CFAP91: variants seen among roughly 807,000 people sequenced by gnomAD.
CFAP91 encodes the protein cilia and flagella associated protein 91.
Under a neutral mutation model 95.9 loss-of-function variants are expected in CFAP91, and 85 were observed. The ratio of observed to expected loss-of-function variants is 0.89; its 90% CI spans 0.74 to 1.06. CFAP91 has a LOEUF of 1.06. Ranked by LOEUF, CFAP91 falls within the 50% of genes least tolerant of loss-of-function variation. The pLI is 0.00. For missense variants in CFAP91, 962 were observed against 943.4 expected, an observed-to-expected ratio of 1.02 and a Z score of -0.26; for synonymous variants, 335 against 327.5, an observed-to-expected ratio of 1.02 and a Z score of -0.25.
chr3:119,743,702 A>G (rs931152489), intron 13 of CFAP91, among the ~76,000 whole-genome samples: 11 of 152,326 alleles, frequency 7.2e-5, no homozygotes, highest in African/African-American at 2.6e-4. Context: ...CCCATTCTCC[A>G]TGGTCACTAA....
chr3:119,747,583 T>G, intron 15 of CFAP91: 1 of 576,854 alleles, frequency 1.7e-6, no homozygotes, highest in Non-Finnish European at 3.0e-6. Flanking sequence ...TAAGCTGTGT[T>G]TCCAACATTC....
At chr3:119,722,033 T>G (rs2053694555) in intron 6 of CFAP91, among the ~76,000 whole-genome samples, 1 of 151,678 alleles carries the variant, frequency 6.6e-6, no homozygotes, top group African/African-American at 2.4e-5. Flanking sequence ...ATTAGCCAAG[T>G]GTGGTGGTGC....
intron 7 of CFAP91, 101 bp downstream of exon 7, chr3:119,726,449 C>CTTTTTT: frequency 8.8e-7 from 1 of 1,131,410 alleles, no homozygotes. Context: ...GGTTGAAAAG[C>CTTTTTT]AATCCTCAAC....
Position 119,766,320 on chromosome 3 carries a change from T to G in CFAP91, c.*1270T>G, listed in dbSNP as rs1322407118. The G allele has an allele frequency of 2.0e-5, 3 of 151,054 alleles. No homozygotes were observed. The highest frequency in any genetic ancestry group is 4.4e-5 in the Non-Finnish European group (3 of 67,740). The allele number at this position is 151,054 out of a possible 1,614,324, so 9.4% of individuals were successfully genotyped here. A position where few individuals can be genotyped will look rare whatever the true frequency, so the allele number is the denominator to read the frequency against. Reference sequence around the variant, plus strand: ...AGAGTTTAATAATTAATTTTCTGAGTTTTTTTTTAAAAAAACTAATTATAC... The same window carrying G: ...AGAGTTTAATAATTAATTTTCTGAGGTTTTTTTTAAAAAAACTAATTATAC... On this transcript the variant is annotated 3_prime_UTR_variant, in exon 18 of 18. Transcript: ENST00000273390.
chr3:119,734,499 CAT>C (rs1240543907), intron 10 of CFAP91, among the ~76,000 whole-genome samples: 1 of 151,948 alleles, frequency 6.6e-6, no homozygotes, highest in South Asian at 2.1e-4. Flanking sequence ...AGCCTTTAAT[CAT>C]GTGTTTATGT....
intron 5 of CFAP91, chr3:119,713,280 C>G (rs2053509493): frequency 6.6e-6 from 1 of 151,696 alleles, no homozygotes; most frequent in African/African-American, 2.4e-5. Context: ...CCACCACACC[C>G]AGCTAATTTT....
chr3:119,727,741 G>C (rs945302834), intron 7 of CFAP91, among the ~76,000 whole-genome samples: 2 of 152,170 alleles, frequency 1.3e-5, no homozygotes, highest in Non-Finnish European at 2.9e-5. Flanking sequence ...TGGAACCCAG[G>C]TGAAAGAACA....
At chr3:119,715,782 T>C in intron 6 of CFAP91, 39 bp downstream of exon 6, 1 of 1,576,378 alleles carries the variant, frequency 6.3e-7, no homozygotes. Context: ...CAGATGACGA[T>C]GCTGATAACC....
intron 10 of CFAP91, among the ~76,000 whole-genome samples, chr3:119,734,132 AGGTGGGGCTGG>A (rs1193110485): frequency 5.9e-5 from 9 of 152,106 alleles, no homozygotes; most frequent in African/African-American, 2.2e-4. Flanking sequence ...AGTAGGTCTG[AGGTGGGGCTGG>A]AGCATTTGCC....
intron 14 of CFAP91, among the ~76,000 whole-genome samples, chr3:119,744,925 A>G (rs2054193600): frequency 6.6e-6 from 1 of 152,232 alleles, no homozygotes; most frequent in South Asian, 2.1e-4. Flanking sequence ...TTTACCTAAT[A>G]TCACTAAGGA....
chr3:119,709,762 ATAT>A, intron 4 of CFAP91, 74 bp from the exon 5 acceptor site: 2 of 1,059,322 alleles, frequency 1.9e-6, no homozygotes, highest in Non-Finnish European at 2.9e-6. Flanking sequence ...TAAGGGACAA[ATAT>A]TAGAGCTGGA....
Position 119,765,846 on chromosome 3 carries a change from G to C in CFAP91, c.*796G>C, listed in dbSNP as rs1410962205. ...AATGAATTTATAGAGGAAAATGTAT[G>C]CTACTCTGAAAACAAAGCTTATGTT... On this transcript the variant is annotated 3_prime_UTR_variant, in exon 18 of 18. Coordinates refer to ENST00000273390, the MANE Select transcript of CFAP91 (RefSeq NM_033364.4). 2 of 152,180 alleles carry C rather than the reference G, an allele frequency of 1.3e-5. No homozygotes were observed. Among genetic ancestry groups the C allele is most frequent in the Non-Finnish European group, 2.9e-5 (2 of 68,030 alleles). 9.4% of individuals were successfully genotyped at this position (152,180 alleles called of 1,614,324 possible). A position where few individuals can be genotyped will look rare whatever the true frequency, so the allele number is the denominator to read the frequency against.
At chr3:119,752,030 G>A (rs1443558994) in intron 17 of CFAP91, among the ~76,000 whole-genome samples, 1 of 152,172 alleles carries the variant, frequency 6.6e-6, no homozygotes, top group Non-Finnish European at 1.5e-5. Flanking sequence ...ACCTTATCAA[G>A]TTACTAGGAG....
At chr3:119,742,669 CT>C (rs2054143691) in intron 13 of CFAP91, among the ~76,000 whole-genome samples, 1 of 152,176 alleles carries the variant, frequency 6.6e-6, no homozygotes, top group African/African-American at 2.4e-5. Context: ...GTGAGATGCT[CT>C]TAGCTTTGCC....
At chr3:119,728,062 T>A (rs141072886) in intron 7 of CFAP91, among the ~76,000 whole-genome samples, 1 of 151,984 alleles carries the variant, frequency 6.6e-6, no homozygotes, top group African/African-American at 2.4e-5. Context: ...TAGTGGACTA[T>A]AAGGAGCTCT....
intron 8 of CFAP91, among the ~76,000 whole-genome samples, chr3:119,732,030 CA>C (rs112331192): frequency 0.013 from 1,934 of 152,288 alleles, 39 homozygotes; most frequent in African/African-American, 0.044. Flanking sequence ...GCTTGAAATG[CA>C]GTTATAAAAG....
intron 6 of CFAP91, among the ~76,000 whole-genome samples, chr3:119,717,000 A>G (rs1559750350): frequency 6.6e-6 from 1 of 152,262 alleles, no homozygotes. Flanking sequence ...ACAGGAAAAA[A>G]TTAATAAACA....
chr3:119,736,467 G>A lies in CFAP91; in HGVS notation c.1345-899G>A, dbSNP rs546336177. ...TTTTTTTTGTATTTTTAGTAGAGAC[G>A]GGGTTTCACCGTGTTAGCCAGGATG... On this transcript the variant is annotated intron_variant, in intron 10 of 17. Coordinates refer to ENST00000273390, the MANE Select transcript of CFAP91 (RefSeq NM_033364.4). 1.5e-4 allele frequency among the ~76,000 whole-genome samples: 23 copies of A among 151,478 alleles called. No individual in the cohort carries two copies. In the East Asian group the frequency reaches 3.9e-3, roughly 26 times the overall value.
intron 17 of CFAP91, among the ~76,000 whole-genome samples, chr3:119,759,290 T>A (rs898706892): frequency 6.6e-6 from 1 of 151,860 alleles, no homozygotes; most frequent in Admixed American, 6.6e-5. Context: ...ACTTAGAAAG[T>A]TAAGGTGTAA....
Sources: allele counts gnomAD v4.1 joint callset (sites outside exome capture counted in the v4.1 genomes callset), GRCh38; gene constraint gnomAD v4.1.1; transcripts MANE v1.5; gene names NCBI Gene and HGNC (gene_info 2026-07-23, HGNC 2026-07-21).